Variants in AP2A2 observed in about 807,000 individuals in gnomAD.
The protein encoded by AP2A2 is AP-2 complex subunit alpha-2.
Under a neutral mutation model 104.2 loss-of-function variants are expected in AP2A2, and 32 were observed. The observed-to-expected ratio is 0.31, with a 90% confidence interval of 0.23 to 0.41. AP2A2 has a LOEUF of 0.41. Among genes scored for constraint, AP2A2 ranks in the 10% least tolerant of loss-of-function variants. The pLI is 1.00. For synonymous variants in AP2A2, 539 were observed against 533.3 expected, an observed-to-expected ratio of 1.01 and a Z score of -0.15; for missense variants, 912 against 1,261.0, an observed-to-expected ratio of 0.72 and a Z score of 4.19.
chr11:983,610 C>G (rs537694908), intron 6 of AP2A2, among the ~76,000 whole-genome samples: 2 of 151,720 alleles, frequency 1.3e-5, no homozygotes, highest in Admixed American at 6.6e-5. Flanking sequence ...GTCTCGATCT[C>G]CTGACCTTGT....
chr11:930,304 G>A (rs1853248248), intron 1 of AP2A2, among the ~76,000 whole-genome samples: 2 of 152,014 alleles, frequency 1.3e-5, no homozygotes, highest in African/African-American at 4.8e-5. Flanking sequence ...AAGGTGCCTC[G>A]TGTCAAGCTC....
intron 1 of AP2A2, 73 bp from the exon 2 acceptor site, chr11:959,364 C>T: frequency 9.6e-7 from 1 of 1,042,502 alleles, no homozygotes; most frequent in Non-Finnish European, 1.4e-6. Flanking sequence ...TTCTGAGTGT[C>T]AGTCTTATCA....
chr11:969,050 T>C (rs1349913706), intron 2 of AP2A2, among the ~76,000 whole-genome samples: 2 of 152,016 alleles, frequency 1.3e-5, no homozygotes, highest in Non-Finnish European at 2.9e-5. Flanking sequence ...GCAGCTGGGC[T>C]GTCTTCCCAG....
At chr11:998,199 A>T (rs1175720378) in intron 14 of AP2A2, among the ~76,000 whole-genome samples, 1 of 151,844 alleles carries the variant, frequency 6.6e-6, no homozygotes, top group African/African-American at 2.4e-5. Context: ...CTCCTCTGTG[A>T]CCTCCCACCC....
rs776077375 is a variant in AP2A2, at chr11:1,009,337, G to A, written c.2547G>A (p.Gln849=). 3.7e-5 allele frequency: 59 copies of A among 1,613,628 alleles called. No individual in the cohort carries two copies. The Admixed American group carries it at 5.3e-4, about 15-fold the overall frequency. The stretch of plus-strand genomic sequence containing the variant: ...TTGCTGTTTCTCACAGTCCACAGCA[G>A]GAAGTGCAGAACATCTTCAAAGCAA... ...QRWKQLSNPQ[Q]EVQNIFKAKH... The change falls in exon 20 of 22, where the codon CAG becomes CAA. Residue 849 remains glutamine, a synonymous_variant. Coordinates refer to ENST00000448903, the MANE Select transcript of AP2A2 (RefSeq NM_012305.4).
At chr11:1,005,609 C>G (rs1389417556) in intron 16 of AP2A2, among the ~76,000 whole-genome samples, 2 of 152,228 alleles carry the variant, frequency 1.3e-5, no homozygotes, top group African/African-American at 4.8e-5. Flanking sequence ...CCTCTCAGCG[C>G]CTGCCTTGAG....
chr11:1,005,108 A>G (rs7394783), intron 16 of AP2A2, among the ~76,000 whole-genome samples: 73,774 of 152,106 alleles, frequency 0.49, 18,836 homozygotes, highest in Admixed American at 0.64. Context: ...TGGATGCCTA[A>G]TTAAACGAAA....
chr11:940,810 C>A lies in AP2A2; in HGVS notation c.67+14722C>A, dbSNP rs372435282. On this transcript the variant is annotated intron_variant, in intron 1 of 21. Transcript: ENST00000448903. ...CCAACCTGAAGGGCTTTGGCAGGGG[C>A]CTTCGCTGCAGGGTGAGGTCTGAGG... The A allele has an allele frequency of 5.1e-4, 233 of 456,216 alleles. 3 individuals carry two copies. The highest frequency in any genetic ancestry group is 4.3e-3 in the African/African-American group (216 of 50,188). The allele number at this position is 456,216 out of a possible 1,614,324, so 28.3% of individuals were successfully genotyped here.
At chr11:974,623 A>C (rs931630368) in intron 4 of AP2A2, among the ~76,000 whole-genome samples, 1 of 148,900 alleles carries the variant, frequency 6.7e-6, no homozygotes, top group African/African-American at 2.5e-5. Flanking sequence ...CGGAGGCTGC[A>C]GTAAGTTGGA....
At chr11:976,296 G>C (rs1231539094) in intron 4 of AP2A2, among the ~76,000 whole-genome samples, 5 of 152,210 alleles carry the variant, frequency 3.3e-5, no homozygotes, top group Non-Finnish European at 4.4e-5. Flanking sequence ...TTTTGGAATA[G>C]TATAGGGGGA....
chr11:992,692 C>T lies in AP2A2; in HGVS notation c.1452+7C>T. ...GGCCAAGACTGTGTTCGAGGTATGGCCCGCAGGATGGCAGGAAGGATGGGG... is the reference window on the plus strand; with the variant it reads ...GGCCAAGACTGTGTTCGAGGTATGGTCCGCAGGATGGCAGGAAGGATGGGG... On this transcript the variant is annotated splice_region_variant and intron_variant, in intron 11 of 21. Transcript: ENST00000448903. This position sits in a 1 kb window ranked among gnomAD's most constrained non-coding sequence, Gnocchi z 6.4. 1 of 1,613,640 alleles carries T rather than the reference C, an allele frequency of 6.2e-7. No individual in the cohort carries two copies. The highest frequency in any genetic ancestry group is 8.5e-7 in the Non-Finnish European group (1 of 1,179,784).
chr11:1,009,627 GA>G, intron 20 of AP2A2, 55 bp from the exon 21 acceptor site: 1 of 1,458,452 alleles, frequency 6.9e-7, no homozygotes, highest in Non-Finnish European at 9.3e-7. Flanking sequence ...GGCCCCGGGG[GA>G]CACGCTGCCC....
intron 4 of AP2A2, among the ~76,000 whole-genome samples, chr11:974,673 ACT>A (rs1411272109): frequency 3.7e-5 from 4 of 108,558 alleles, no homozygotes; most frequent in African/African-American, 1.1e-4. Flanking sequence ...ACAGAATAAG[ACT>A]CTGTCTCAAA....
chr11:1,008,205 A>G, intron 18 of AP2A2, 70 bp downstream of exon 18: 3 of 1,502,910 alleles, frequency 2.0e-6, no homozygotes, highest in Non-Finnish European at 2.7e-6. Context: ...GGGCTCCATG[A>G]CTGTGCCTCC....
intron 1 of AP2A2, among the ~76,000 whole-genome samples, chr11:953,633 G>A (rs1185527220): frequency 6.8e-6 from 1 of 147,922 alleles, no homozygotes; most frequent in Non-Finnish European, 1.5e-5. Context: ...GTCTGCCTCC[G>A]TCTGCCTCCG....
At chr11:999,918 C>T (rs1435135994) in intron 14 of AP2A2, among the ~76,000 whole-genome samples, 1 of 151,716 alleles carries the variant, frequency 6.6e-6, no homozygotes, top group African/African-American at 2.4e-5. Context: ...ATTCTCCTGC[C>T]TCAGCCTCCC....
chr11:930,355 C>A (rs1209520614), intron 1 of AP2A2, among the ~76,000 whole-genome samples: 1 of 152,084 alleles, frequency 6.6e-6, no homozygotes, highest in Non-Finnish European at 1.5e-5. Context: ...AGGTAGTGAA[C>A]TAACTTAATG....
chr11:1,009,845 C>G lies in AP2A2; in HGVS notation c.2742+28C>G, dbSNP rs759318240. On this transcript the variant is annotated intron_variant, in intron 21 of 21. Coordinates refer to ENST00000448903, the MANE Select transcript of AP2A2 (RefSeq NM_012305.4). Reference sequence around the variant, plus strand: ...CAGGCCCTCAGGAAATGGTGGAACACACTTGAGTTGCTTTTTATTCTGGCA... The same window carrying G: ...CAGGCCCTCAGGAAATGGTGGAACAGACTTGAGTTGCTTTTTATTCTGGCA... 33 of 1,526,608 alleles carry G rather than the reference C, an allele frequency of 2.2e-5. 1 individual carries two copies. In the South Asian group the frequency reaches 3.6e-4, roughly 17 times the overall value. 94.6% of individuals were successfully genotyped at this position (1,526,608 alleles called of 1,614,324 possible).
chr11:1,008,875 A>G (rs1564824709), intron 18 of AP2A2: 2 of 568,156 alleles, frequency 3.5e-6, no homozygotes, highest in Non-Finnish European at 6.2e-6. Context: ...AGTGAGGCAC[A>G]GGGACGTCCT....
Sources: gnomAD v4.1 joint callset for allele counts (sites outside exome capture counted in the v4.1 genomes callset) on GRCh38, gnomAD v4.1.1 for gene constraint, Gnocchi (gnomAD v3.1) non-coding constraint, MANE v1.5 for transcripts, NCBI Gene and HGNC (gene_info 2026-07-23, HGNC 2026-07-21) for gene names.